Variants in FBN1 observed in about 807,000 individuals in gnomAD.
FBN1 encodes the protein fibrillin-1.
Under a neutral mutation model 365.1 loss-of-function variants are expected in FBN1, and 29 were observed. That is an observed-to-expected ratio of 0.08 (90% CI 0.06 to 0.11). The LOEUF (loss-of-function observed/expected upper bound fraction) is 0.11. Ranked by LOEUF, FBN1 falls within the 10% of genes least tolerant of loss-of-function variation. The pLI is 1.00. For missense variants in FBN1, 2,476 were observed against 3,703.2 expected (o/e 0.67, Z 8.60); for synonymous variants, 1,210 against 1,270.5 (o/e 0.95, Z 1.01).
intron 6 of FBN1, among the ~76,000 whole-genome samples, chr15:48,570,728 T>C (rs1437139221): frequency 6.6e-6 from 1 of 152,230 alleles, no homozygotes; most frequent in Non-Finnish European, 1.5e-5. Flanking sequence ...AGAGCAATGT[T>C]ATTGCTCTTA....
Position 48,411,296 on chromosome 15 carries a change from G to T in FBN1, c.8310C>A (p.His2770Gln), listed in dbSNP as rs112189340. ...CTAGGATTCGAACCTTGTTACTGAC[G>T]TGGGAAATATTGAAAGCAAAGATGG... ...KTAIFAFNIS[H>Q]VSNKVRILEL... is the part of the protein sequence containing the mutation. The change falls in exon 66 of 66, where the codon CAC becomes CAA. Residue 2770 changes from histidine (H) to glutamine (Q), a missense_variant. His to Gln is a conservative substitution (Grantham distance 24, BLOSUM62 0). This residue lies in a region of FBN1 where 177 missense variants were observed against 192.7 expected (regional missense o/e 0.92). Coordinates refer to ENST00000316623, the MANE Select transcript of FBN1 (RefSeq NM_000138.5). 2 of 1,613,892 alleles carry T rather than the reference G, an allele frequency of 1.2e-6. No individual in the cohort carries two copies. Among genetic ancestry groups the T allele is most frequent in the South Asian group, 1.1e-5 (1 of 91,070 alleles).
chr15:48,482,182 A>C (rs1389398677), intron 31 of FBN1, among the ~76,000 whole-genome samples: 1 of 152,240 alleles, frequency 6.6e-6, no homozygotes, highest in Non-Finnish European at 1.5e-5. Flanking sequence ...TGGTTGTCTT[A>C]GTGTAAGTAG....
rs1026651061 is a variant in FBN1 at position 48,505,299 on chromosome 15, C to T, written c.1838-152G>A. On this transcript the variant is annotated intron_variant, in intron 15 of 65. Coordinates refer to ENST00000316623, the MANE Select transcript of FBN1 (RefSeq NM_000138.5). ...AAGCTCAAATGGCATTCTCATTTTC[C>T]TTTGAAAGAACAGTAACAAAATCAA... The T allele has an allele frequency of 9.2e-5, 84 of 909,990 alleles. 1 individual carries two copies. In the African/African-American group the frequency reaches 1.3e-3, roughly 14 times the overall value. 56.4% of individuals were successfully genotyped at this position (909,990 alleles called of 1,614,324 possible). A position where few individuals can be genotyped will look rare whatever the true frequency, so the allele number is the denominator to read the frequency against.
chr15:48,568,055 A>AGAG (rs1172594536), intron 6 of FBN1, among the ~76,000 whole-genome samples: 2 of 144,940 alleles, frequency 1.4e-5, no homozygotes, highest in African/African-American at 5.3e-5. Flanking sequence ...GAAAGAAGAA[A>AGAG]GAAAGAAAGA....
At chr15:48,569,392 C>T (rs2044287898) in intron 6 of FBN1, among the ~76,000 whole-genome samples, 1 of 152,086 alleles carries the variant, frequency 6.6e-6, no homozygotes, top group East Asian at 1.9e-4. Context: ...GGTACAGCTA[C>T]CTTGGAAAAT....
chr15:48,600,680 G>C (rs997182936), intron 4 of FBN1, among the ~76,000 whole-genome samples: 1 of 152,196 alleles, frequency 6.6e-6, no homozygotes, highest in Non-Finnish European at 1.5e-5. Context: ...ACTCCAGCCT[G>C]AGTGACAGAG....
chr15:48,487,589 C>G, intron 27 of FBN1, 152 bp from the exon 28 acceptor site: 1 of 1,149,452 alleles, frequency 8.7e-7, no homozygotes, highest in Non-Finnish European at 1.3e-6. Flanking sequence ...CCAGATCTCC[C>G]TGCAGGATCA....
rs1238949695 is a variant in FBN1, at chr15:48,605,382, G to C, written c.347-5148C>G. On this transcript the variant is annotated intron_variant, in intron 4 of 65. Coordinates refer to ENST00000316623, the MANE Select transcript of FBN1 (RefSeq NM_000138.5). The stretch of plus-strand genomic sequence containing the variant: ...GACAATGAAAGCATGATCCAGTAAA[G>C]GGAAAACTGATAAGTTAGACTTACT... Among the ~76,000 whole-genome samples the C allele has an allele frequency of 2.0e-5, 3 of 152,224 alleles. No homozygotes were observed. In the South Asian group the frequency reaches 6.2e-4, roughly 32 times the overall value.
chr15:48,453,161 CA>C (rs2043213957), intron 44 of FBN1, among the ~76,000 whole-genome samples: 1 of 151,854 alleles, frequency 6.6e-6, no homozygotes, highest in South Asian at 2.1e-4. Flanking sequence ...GAAGCTGGGG[CA>C]GGAGAACCGT....
chr15:48,509,926 A>G, intron 14 of FBN1, 118 bp downstream of exon 14: 2 of 1,118,046 alleles, frequency 1.8e-6, no homozygotes, highest in South Asian at 2.8e-5. Flanking sequence ...TTTTGAGATA[A>G]AATATATAAA....
At chr15:48,526,329 A>C in intron 8 of FBN1, 74 bp from the exon 9 acceptor site, 1 of 1,493,340 alleles carries the variant, frequency 6.7e-7, no homozygotes, top group South Asian at 1.1e-5. Flanking sequence ...AAGGACTCAG[A>C]TGTTAACACT....
chr15:48,549,613 GC>G, intron 6 of FBN1, among the ~76,000 whole-genome samples: 1 of 152,202 alleles, frequency 6.6e-6, no homozygotes, highest in Middle Eastern at 3.4e-3. Context: ...TCAATACAGT[GC>G]CTTCATTTAT....
chr15:48,614,024 CAT>C (rs2140739148), intron 2 of FBN1, among the ~76,000 whole-genome samples: 1 of 152,302 alleles, frequency 6.6e-6, no homozygotes, highest in East Asian at 1.9e-4. Flanking sequence ...CAGTTCATCA[CAT>C]GTCTTGGAGT....
At chr15:48,562,414 G>A (rs2044229492) in intron 6 of FBN1, among the ~76,000 whole-genome samples, 1 of 152,118 alleles carries the variant, frequency 6.6e-6, no homozygotes, top group African/African-American at 2.4e-5. Context: ...GCCCAATGGT[G>A]GCCATGTTGT....
chr15:48,513,380 T>C (rs1369823013), intron 13 of FBN1, among the ~76,000 whole-genome samples, 169 bp downstream of exon 13: 1 of 152,212 alleles, frequency 6.6e-6, no homozygotes, highest in African/African-American at 2.4e-5. Context: ...TGCCAGATTT[T>C]ATGACACTGT....
rs6145556 is a variant in FBN1 at position 48,456,843 on chromosome 15, C to CGTGCGTGCGTGTGTGTGT, written c.5297-82_5297-81insACACACACACGCACGCAC. 4 of 744,622 alleles carry CGTGCGTGCGTGTGTGTGT rather than the reference C, an allele frequency of 5.4e-6. No homozygotes were observed. The African/African-American group carries it at 7.5e-5, about 14-fold the overall frequency. The allele number at this position is 744,622 out of a possible 1,614,324, so 46.1% of individuals were successfully genotyped here. ...GGTAAGACAAGATGGAAAGTGCGTG[C>CGTGCGTGCGTGTGTGTGT]GTGTGTGTGTGTGTGTGTGTGTGTG... On this transcript the variant is annotated intron_variant, in intron 43 of 65. Coordinates refer to ENST00000316623, the MANE Select transcript of FBN1 (RefSeq NM_000138.5).
At chr15:48,587,707 C>T (rs1225785434) in intron 6 of FBN1, among the ~76,000 whole-genome samples, 1 of 152,004 alleles carries the variant, frequency 6.6e-6, no homozygotes, top group Admixed American at 6.6e-5. Context: ...TCTGTCTTTC[C>T]AAAAATTATT....
At chr15:48,568,691 T>A (rs552235609) in intron 6 of FBN1, among the ~76,000 whole-genome samples, 1 of 152,080 alleles carries the variant, frequency 6.6e-6, no homozygotes, top group Non-Finnish European at 1.5e-5. Flanking sequence ...TAAACCCTTC[T>A]GGTTACGGCT....
chr15:48,498,898 G>A (rs2043631933), intron 18 of FBN1, 87 bp downstream of exon 18: 3 of 1,288,442 alleles, frequency 2.3e-6, no homozygotes, highest in Non-Finnish European at 3.4e-6. Flanking sequence ...CCAGACTAGT[G>A]TAAAGGGATC....
Sources: gnomAD v4.1 joint callset for allele counts (sites outside exome capture counted in the v4.1 genomes callset) on GRCh38, gnomAD v4.1.1 for gene constraint, gnomAD v4.1.1 regional missense constraint, MANE v1.5 for transcripts, NCBI Gene and HGNC (gene_info 2026-07-23, HGNC 2026-07-21) for gene names.